Variants in CNTN4 observed in about 807,000 individuals in gnomAD.
CNTN4 encodes the protein contactin-4.
In CNTN4, 77 loss-of-function variants were observed where a neutral mutation model predicts 122.5. The ratio of observed to expected loss-of-function variants is 0.63; its 90% confidence interval spans 0.52 to 0.76. The LOEUF (loss-of-function observed/expected upper bound fraction) is 0.76, where lower values mean the gene tolerates loss of function less well. Among genes scored for constraint, CNTN4 ranks in the 30% least tolerant of loss-of-function variants. The probability of loss-of-function intolerance (pLI) is 0.00; values close to 1 mark genes in which losing one functional copy is unlikely to be tolerated. For synonymous variants in CNTN4, 512 were observed against 447.0 expected (o/e 1.15, Z -1.83); for missense variants, 1,256 against 1,259.1 (o/e 1.00, Z 0.04).
Position 2,970,434 on chromosome 3 carries a change from C to T in CNTN4, c.1359-17911C>T, listed in dbSNP as rs1692787075. On this transcript the variant is annotated intron_variant, in intron 13 of 24. Transcript: ENST00000418658. ...ATTGACTAGAATGCCTTAATGATAA[C>T]ACAGTTTATAAACACTTTTTTTTTT... 2.6e-5 allele frequency among the ~76,000 whole-genome samples: 4 copies of T among 151,544 alleles called. 1 individual carries two copies. In the South Asian group the frequency reaches 8.3e-4, roughly 32 times the overall value.
At chr3:2,624,648 T>TC (rs1491386276) in intron 4 of CNTN4, among the ~76,000 whole-genome samples, 458 of 145,412 alleles carry the variant, frequency 3.1e-3, no homozygotes, top group African/African-American at 0.011. Context: ...TTTTTTTTTT[T>TC]CGAGGCTGAG....
chr3:2,594,281 T>C (rs1470024196), intron 4 of CNTN4, among the ~76,000 whole-genome samples: 1 of 152,194 alleles, frequency 6.6e-6, no homozygotes, highest in Non-Finnish European at 1.5e-5. Context: ...TTGAGGCCAA[T>C]TCTATACACA....
intron 2 of CNTN4, among the ~76,000 whole-genome samples, chr3:2,336,409 C>G (rs2043956561): frequency 6.6e-6 from 1 of 152,066 alleles, no homozygotes; most frequent in African/African-American, 2.4e-5. Context: ...TATTCATGAG[C>G]CAGGAATTTT....
chr3:2,800,908 A>G lies in CNTN4; in HGVS notation c.359-18578A>G, dbSNP rs556637816. Reference sequence around the variant, plus strand: ...AACCCCTTGCCACCTTCAGGTCTCTACTCAAACGCACCTACTTCCTGAAAC... The same window carrying G: ...AACCCCTTGCCACCTTCAGGTCTCTGCTCAAACGCACCTACTTCCTGAAAC... On this transcript the variant is annotated intron_variant, in intron 6 of 24. Transcript: ENST00000418658. Among the ~76,000 whole-genome samples, 3 of 152,246 alleles carry G rather than the reference A, an allele frequency of 2.0e-5. 1 individual carries two copies. The highest frequency in any genetic ancestry group is 2.0e-4 in the Admixed American group (3 of 15,300).
chr3:2,197,068 A>AAG (rs1553600655), intron 2 of CNTN4, among the ~76,000 whole-genome samples: 22,968 of 137,144 alleles, frequency 0.17, 2,155 homozygotes, highest in South Asian at 0.21. Flanking sequence ...AAAAAAAAAA[A>AAG]AAGAAGAAGA....
At chr3:2,688,436 C>G (rs2085552895) in intron 4 of CNTN4, among the ~76,000 whole-genome samples, 1 of 152,128 alleles carries the variant, frequency 6.6e-6, no homozygotes, top group Non-Finnish European at 1.5e-5. Context: ...TTTTATCACT[C>G]CAAATACATG....
intron 7 of CNTN4, among the ~76,000 whole-genome samples, chr3:2,820,644 A>G (rs1334171659): frequency 6.6e-6 from 1 of 152,170 alleles, no homozygotes. Context: ...CCTCACCAAG[A>G]GTCACCTAAT....
chr3:2,934,824 G>C (rs1269438824), intron 13 of CNTN4, among the ~76,000 whole-genome samples: 2 of 152,258 alleles, frequency 1.3e-5, no homozygotes, highest in African/African-American at 4.8e-5. Flanking sequence ...CAACAGGAGC[G>C]TCATTGCTCT....
At chr3:2,989,602 C>T (rs1694879725) in intron 14 of CNTN4, among the ~76,000 whole-genome samples, 1 of 152,048 alleles carries the variant, frequency 6.6e-6, no homozygotes, top group African/African-American at 2.4e-5. Flanking sequence ...CATACTTGAC[C>T]ATGCAGATAG....
intron 2 of CNTN4, among the ~76,000 whole-genome samples, chr3:2,298,490 G>A (rs1033217748): frequency 6.6e-6 from 1 of 151,944 alleles, no homozygotes; most frequent in Non-Finnish European, 1.5e-5. Context: ...TGAAAAAAAT[G>A]GAATTTGAAA....
At chr3:2,343,529 G>A (rs1364571815) in intron 3 of CNTN4, among the ~76,000 whole-genome samples, 1 of 152,154 alleles carries the variant, frequency 6.6e-6, no homozygotes, top group African/African-American at 2.4e-5. Context: ...GTGTAACTAA[G>A]TAACCAGTGG....
intron 3 of CNTN4, among the ~76,000 whole-genome samples, chr3:2,473,731 G>A (rs760393900): frequency 2.0e-5 from 3 of 152,036 alleles, no homozygotes; most frequent in Non-Finnish European, 4.4e-5. Context: ...AACATTTGCC[G>A]GCCAGGCGCG....
At chr3:2,729,822 G>C (rs2088544904) in intron 4 of CNTN4, among the ~76,000 whole-genome samples, 1 of 152,122 alleles carries the variant, frequency 6.6e-6, no homozygotes. Context: ...GCTGAGGCAG[G>C]AGAATCGCTT....
intron 2 of CNTN4, among the ~76,000 whole-genome samples, chr3:2,287,757 GAA>G (rs1422176207): frequency 2.7e-5 from 4 of 146,324 alleles, no homozygotes; most frequent in Admixed American, 1.3e-4. Context: ...AGAAGAAGAA[GAA>G]GAAGAAGAAG....
chr3:2,672,070 C>G (rs1559370800), intron 4 of CNTN4, among the ~76,000 whole-genome samples: 1 of 152,228 alleles, frequency 6.6e-6, no homozygotes, highest in Non-Finnish European at 1.5e-5. Flanking sequence ...CAGGGACCCA[C>G]TTGAGGAGGC....
chr3:2,190,806 GCA>G (rs34364522), intron 2 of CNTN4, among the ~76,000 whole-genome samples: 35,796 of 147,370 alleles, frequency 0.24, 5,127 homozygotes, highest in Non-Finnish European at 0.34. Context: ...AGGACTTTAT[GCA>G]CACACACACA....
At position 2,639,564 on chromosome 3, in the gene CNTN4, T is replaced by C. The variant is rs59351892; in HGVS notation, c.55+68006T>C. ...TAAACTTCTAACACACTATGTATTT[T>C]GCTTATTATATGTTTAATAAATTCT... On this transcript the variant is annotated intron_variant, in intron 4 of 24. Coordinates refer to ENST00000418658, the MANE Select transcript of CNTN4 (RefSeq NM_175607.3). Among the ~76,000 whole-genome samples the C allele has an allele frequency of 9.2e-3, 1,402 of 152,348 alleles. 27 individuals are homozygous for C. The highest frequency in any genetic ancestry group is 0.033 in the African/African-American group (1,352 of 41,572).
chr3:2,963,096 C>T (rs182371049), intron 13 of CNTN4, among the ~76,000 whole-genome samples: 21 of 152,252 alleles, frequency 1.4e-4, no homozygotes, highest in African/African-American at 4.3e-4. Flanking sequence ...ATCTGCCCAT[C>T]GAGTCAGACT....
At chr3:2,116,931 ACAAT>A (rs986327297) in intron 2 of CNTN4, among the ~76,000 whole-genome samples, 74 of 151,944 alleles carry the variant, frequency 4.9e-4, no homozygotes, top group Middle Eastern at 6.8e-3. Context: ...TCACTCAAAA[ACAAT>A]CAATAGAGAA....
Sources: allele counts gnomAD v4.1 joint callset (sites outside exome capture counted in the v4.1 genomes callset), GRCh38; gene constraint gnomAD v4.1.1; transcripts MANE v1.5; gene names NCBI Gene and HGNC (gene_info 2026-07-23, HGNC 2026-07-21).